The following ACIN1 variants were observed in gnomAD, a reference collection of about 807,000 sequenced individuals.
ACIN1 encodes the protein apoptotic chromatin condensation inducer in the nucleus.
ACIN1 carries 16 observed loss-of-function variants against 146.6 expected under a neutral mutation model. That is an observed-to-expected ratio of 0.11 (90% confidence interval 0.07 to 0.17). The LOEUF is 0.17. ACIN1 is among the 10% of genes least tolerant of loss of function. ACIN1 has a pLI of 1.00. For synonymous variants in ACIN1, 569 were observed against 582.7 expected (o/e 0.98, Z 0.34); for missense variants, 1,357 against 1,609.3 (o/e 0.84, Z 2.68).
rs555586702 is a variant in ACIN1 at position 23,079,585 on chromosome 14, G to GTGAACA, written c.1749_1750insTGTTCA (p.Ser583_Arg584insCysSer). On this transcript the variant is annotated inframe_insertion, in exon 6 of 19. Transcript: ENST00000605057. ...CTTGATGCTGAACGAGAACGTGAAC[G>GTGAACA]TGACCTTGATCTGGACTCTGATGTT... The GTGAACA allele has an allele frequency of 1.9e-6, 3 of 1,614,134 alleles. No individual in the cohort carries two copies. In the African/African-American group the frequency reaches 4.0e-5, roughly 22 times the overall value.
intron 10 of ACIN1, 35 bp downstream of exon 10, chr14:23,065,931 C>G: frequency 6.2e-7 from 1 of 1,600,170 alleles, no homozygotes; most frequent in South Asian, 1.1e-5. Flanking sequence ...TTATGGTATT[C>G]CTGACTTTTA....
At position 23,087,585 on chromosome 14, in the gene ACIN1, C is replaced by A. The variant is rs573240453; in HGVS notation, c.436+2397G>T. 2.0e-5 allele frequency among the ~76,000 whole-genome samples: 3 copies of A among 151,840 alleles called. No homozygotes were observed. The South Asian group carries it at 6.2e-4, about 32-fold the overall frequency. ...TGCTTTTGAAATCTATTTCAGAAAT[C>A]ATTTCTCATTTTCATTTCGAATTAT... is the stretch of plus-strand genomic sequence containing the variant. On this transcript the variant is annotated intron_variant, in intron 4 of 18. Coordinates refer to ENST00000605057, the MANE Select transcript of ACIN1 (RefSeq NM_001386863.1).
chr14:23,069,215 C>T, intron 9 of ACIN1: 1 of 1,179,254 alleles, frequency 8.5e-7, no homozygotes, highest in South Asian at 4.0e-5. Flanking sequence ...CATTATCAGA[C>T]TTTCCCGTTA....
At position 23,080,238 on chromosome 14, in the gene ACIN1, G is replaced by T; in HGVS notation, c.1097C>A (p.Ser366Tyr). Residue 366 changes from serine to tyrosine, a missense_variant, in exon 6 of 19, where the codon TCT becomes TAT. Ser to Tyr is a moderately radical substitution (Grantham distance 144, BLOSUM62 -2). Around this residue, in one of 4 missense-constraint regions of ACIN1, gnomAD observed 771 missense variants for 746.6 expected, o/e 1.03. Coordinates refer to ENST00000605057, the MANE Select transcript of ACIN1 (RefSeq NM_001386863.1). Reference protein sequence around the residue: ...TPPPLLTKEASSPPPHPQLHS... With the variant: ...TPPPLLTKEAYSPPPHPQLHS... ...GAGCTGTGGATGAGGTGGTGGAGAAGATGCTTCCTTTGTTAGTAAAGGTGG... is the reference window on the plus strand; with the variant it reads ...GAGCTGTGGATGAGGTGGTGGAGAATATGCTTCCTTTGTTAGTAAAGGTGG... 2 of 1,614,210 alleles carry T rather than the reference G, an allele frequency of 1.2e-6. No homozygotes were observed. The highest frequency in any genetic ancestry group is 1.7e-6 in the Non-Finnish European group (2 of 1,180,026).
chr14:23,087,536 T>C (rs368912338), intron 4 of ACIN1, among the ~76,000 whole-genome samples: 23 of 152,118 alleles, frequency 1.5e-4, no homozygotes, highest in East Asian at 5.8e-4. Flanking sequence ...ACTGAAAAGA[T>C]TGGCTACCCT....
chr14:23,092,288 A>G (rs112256730), intron 2 of ACIN1, among the ~76,000 whole-genome samples: 1 of 152,220 alleles, frequency 6.6e-6, no homozygotes, highest in Non-Finnish European at 1.5e-5. Context: ...TTTCACCTAA[A>G]GTAGAAATGA....
At chr14:23,088,202 G>A (rs1011758797) in intron 4 of ACIN1, among the ~76,000 whole-genome samples, 3 of 152,152 alleles carry the variant, frequency 2.0e-5, no homozygotes, top group African/African-American at 7.2e-5. Context: ...TTTTAGAAGA[G>A]CTTTCTCTTT....
intron 18 of ACIN1, among the ~76,000 whole-genome samples, chr14:23,060,043 C>T (rs556521435): frequency 4.5e-4 from 68 of 150,040 alleles, no homozygotes; most frequent in African/African-American, 1.5e-3. Context: ...CTGTGGTCTC[C>T]GACTCGCAGG....
At chr14:23,091,686 C>T (rs528176735) in intron 2 of ACIN1, among the ~76,000 whole-genome samples, 75 of 149,858 alleles carry the variant, frequency 5.0e-4, no homozygotes, top group Non-Finnish European at 9.7e-4. Context: ...AGCAATGGCG[C>T]GATCTTGGCT....
Position 23,063,531 on chromosome 14 carries a change from T to G in ACIN1, c.2642A>C (p.Glu881Ala). ...TTCTGCTTCAGGTTCCTTCTCTTCT[T>G]CCTCTTCTTCCCTCTGCCCATTCTC... ...GQENGQREEE[E>A]EEKEPEAEPP... is the part of the protein sequence containing the mutation. The change falls in exon 13 of 19, where the codon GAA becomes GCA. Residue 881 changes from glutamate to alanine, a missense_variant. Physicochemically the swap from Glu to Ala is moderately radical, Grantham distance 107. Around this residue, in one of 4 missense-constraint regions of ACIN1, gnomAD observed 509 missense variants for 719.6 expected, o/e 0.71. Transcript: ENST00000605057. The G allele has an allele frequency of 6.2e-7, 1 of 1,614,034 alleles. No individual in the cohort carries two copies. Among genetic ancestry groups the G allele is most frequent in the Non-Finnish European group, 8.5e-7 (1 of 1,180,026 alleles).
In ACIN1 at chr14:23,073,253, G is replaced by T. The variant is rs192959487; in HGVS notation, c.2124-3636C>A. On this transcript the variant is annotated intron_variant, in intron 8 of 18. Coordinates refer to ENST00000605057, the MANE Select transcript of ACIN1 (RefSeq NM_001386863.1). ...GCATAATTCCTCAAGGGTAGGGATT[G>T]CATCTCTTGGCCCCTAGCCCAGGGC... Among the ~76,000 whole-genome samples the T allele has an allele frequency of 2.2e-3, 329 of 152,348 alleles. 1 individual carries two copies. The highest frequency in any genetic ancestry group is 3.2e-3 in the Non-Finnish European group (218 of 68,032).
chr14:23,083,950 A>T (rs1049546842), intron 4 of ACIN1, among the ~76,000 whole-genome samples: 2 of 144,290 alleles, frequency 1.4e-5, no homozygotes, highest in Non-Finnish European at 3.1e-5. Context: ...CTTCTCTCTT[A>T]TTTTTTTTTT....
chr14:23,083,373 A>C (rs1594777774), intron 4 of ACIN1, among the ~76,000 whole-genome samples: 1 of 152,168 alleles, frequency 6.6e-6, no homozygotes, highest in East Asian at 1.9e-4. Flanking sequence ...CCCGAGTCTC[A>C]AATGTCATGA....
chr14:23,078,110 C>G (rs774432978), intron 8 of ACIN1, 41 bp downstream of exon 8: 2 of 1,577,882 alleles, frequency 1.3e-6, no homozygotes, highest in Non-Finnish European at 1.7e-6. Flanking sequence ...ATCGCACACT[C>G]ATAGTTCCCT....
At position 23,089,968 on chromosome 14, in the gene ACIN1, A is replaced by T. The variant is rs748296366; in HGVS notation, c.436+14T>A. ...GGATTGACAAAACAGCGCAGTGGGG[A>T]GGGAGATACGTACTGGGCGAATGTC... On this transcript the variant is annotated intron_variant, in intron 4 of 18. Transcript: ENST00000605057. 1.4e-5 allele frequency: 22 copies of T among 1,597,474 alleles called. No individual in the cohort carries two copies. The highest frequency in any genetic ancestry group is 1.9e-5 in the Non-Finnish European group (22 of 1,169,818).
intron 8 of ACIN1, among the ~76,000 whole-genome samples, chr14:23,070,777 C>T (rs996350892): frequency 8.5e-5 from 13 of 152,052 alleles, no homozygotes; most frequent in South Asian, 4.2e-4. Flanking sequence ...GACTGACACT[C>T]AGAGGTCAGA....
chr14:23,069,645 G>T, intron 8 of ACIN1, 28 bp from the exon 9 acceptor site: 1 of 1,026,644 alleles, frequency 9.7e-7, no homozygotes. Flanking sequence ...TGGTGGTGGG[G>T]GGGCGGGCAG....
intron 2 of ACIN1, among the ~76,000 whole-genome samples, chr14:23,092,109 T>C (rs28548410): frequency 0.28 from 42,391 of 151,772 alleles, 6,162 homozygotes; most frequent in South Asian, 0.4. Flanking sequence ...TTTTTTTTTT[T>C]TGTAATACAG....
At chr14:23,094,802 G>T in intron 1 of ACIN1, 173 bp downstream of exon 1, 2 of 1,010,284 alleles carry the variant, frequency 2.0e-6, no homozygotes, top group Non-Finnish European at 2.8e-6. Context: ...GAACCGGCGC[G>T]ATCTCCATTC....
Sources: allele counts gnomAD v4.1 joint callset (sites outside exome capture counted in the v4.1 genomes callset), GRCh38; gene constraint gnomAD v4.1.1; regional missense constraint gnomAD v4.1.1; transcripts MANE v1.5; gene names NCBI Gene and HGNC (gene_info 2026-07-23, HGNC 2026-07-21).